The following SLC4A1AP variants were observed in gnomAD, a reference collection of about 807,000 sequenced individuals.
The protein encoded by SLC4A1AP is solute carrier family 4 member 1 adaptor protein.
A neutral mutation model predicts 89.7 loss-of-function variants in SLC4A1AP; 64 were observed. The ratio of observed to expected loss-of-function variants is 0.71; its 90% CI spans 0.58 to 0.88. SLC4A1AP has a LOEUF of 0.88. Among genes scored for constraint, SLC4A1AP ranks in the 40% least tolerant of loss-of-function variants. The pLI is 0.00. For synonymous variants in SLC4A1AP, 366 were observed against 353.3 expected, an observed-to-expected ratio of 1.04 and a Z score of -0.40; for missense variants, 931 against 965.0, an observed-to-expected ratio of 0.96 and a Z score of 0.47.
chr2:27,665,913 C>G (rs1339875032), intron 2 of SLC4A1AP, among the ~76,000 whole-genome samples: 6 of 152,056 alleles, frequency 3.9e-5, no homozygotes, highest in Non-Finnish European at 7.4e-5. Context: ...AAGCTAGAAA[C>G]CATAAGTATG....
Position 27,668,822 on chromosome 2 carries a change from TTGTC to T in SLC4A1AP, c.1145-15_1145-12del, listed in dbSNP as rs753464657. The T allele has an allele frequency of 6.2e-7, 1 of 1,610,688 alleles. No homozygotes were observed. The highest frequency in any genetic ancestry group is 1.1e-5 in the South Asian group (1 of 90,988). ...ATTTTTGGATTCTATTAAAATTGTT[TTGTC>T]TGTCTTTCTCCCACAGGAGAAGAAT... On this transcript the variant is annotated splice_polypyrimidine_tract_variant and intron_variant, in intron 3 of 13. Coordinates refer to ENST00000613058, the Ensembl canonical transcript of SLC4A1AP.
intron 5 of SLC4A1AP, 58 bp downstream of exon 5, chr2:27,669,445 C>G: frequency 7.0e-7 from 1 of 1,423,078 alleles, no homozygotes; most frequent in Admixed American, 2.6e-5. Flanking sequence ...TCAACACAAA[C>G]GCTAATAAAA....
exon 5 of SLC4A1AP, chr2:27,669,251 A>G (rs1379128707): frequency 4.4e-6 from 7 of 1,604,768 alleles, no homozygotes; most frequent in South Asian, 2.2e-5. Context: ...AATGAAGATT[A>G]CCTGTGGACG....
At chr2:27,693,607 GA>G in intron 12 of SLC4A1AP, 77 bp from the exon 13 acceptor site, 2 of 1,127,254 alleles carry the variant, frequency 1.8e-6, no homozygotes, top group Non-Finnish European at 2.6e-6. Context: ...CTAACAATAG[GA>G]CCCCAATCCC....
At chr2:27,667,345 A>T in exon 3 of SLC4A1AP, 2 of 1,613,706 alleles carry the variant, frequency 1.2e-6, no homozygotes, top group South Asian at 1.1e-5. Flanking sequence ...GGCCTTTTAT[A>T]TAAAGGATCC....
exon 8 of SLC4A1AP, chr2:27,677,831 T>C: frequency 6.2e-7 from 1 of 1,613,804 alleles, no homozygotes; most frequent in Non-Finnish European, 8.5e-7. Context: ...CGGAAGAAAC[T>C]TCACCTGAGA....
chr2:27,667,294 G>GA lies in SLC4A1AP; in HGVS notation c.1050dup (p.Glu351ArgfsTer29), dbSNP rs1572988558. On this transcript the variant is annotated frameshift_variant, in exon 3 of 14. Coordinates refer to ENST00000613058, the Ensembl canonical transcript of SLC4A1AP. LOFTEE classifies it high-confidence loss of function. ...AGAAGATGCAGTAGAGGATGATGCT[G>GA]AAGAGAACCCTATTGTCTTAGAGTT... 6.2e-7 allele frequency: 1 copy of GA among 1,613,466 alleles called. No homozygotes were observed. Among genetic ancestry groups the GA allele is most frequent in the Non-Finnish European group, 8.5e-7 (1 of 1,179,692 alleles).
intron 13 of SLC4A1AP, 42 bp from the exon 14 acceptor site, chr2:27,694,592 G>A (rs1675842928): frequency 1.4e-6 from 2 of 1,436,764 alleles, no homozygotes; most frequent in Non-Finnish European, 1.9e-6. Flanking sequence ...CCTGACTTTG[G>A]AAGAGTAAAT....
At chr2:27,688,044 T>C (rs1055674987) in intron 11 of SLC4A1AP, 24 bp downstream of exon 11, 1 of 1,563,586 alleles carries the variant, frequency 6.4e-7, no homozygotes, top group Non-Finnish European at 8.8e-7. Flanking sequence ...CAGCCTTCAT[T>C]GCTGCTCTGC....
chr2:27,665,220 G>A, exon 2 of SLC4A1AP: 1 of 1,613,860 alleles, frequency 6.2e-7, no homozygotes, highest in East Asian at 2.2e-5. Flanking sequence ...AGATGAAGAA[G>A]AGGAAATGGA....
chr2:27,668,686 G>A (rs760948816), intron 3 of SLC4A1AP, 157 bp from the exon 4 acceptor site: 35 of 732,990 alleles, frequency 4.8e-5, no homozygotes, highest in African/African-American at 8.6e-5. Flanking sequence ...CTTAACTCAA[G>A]CTGTCATCCC....
intron 3 of SLC4A1AP, among the ~76,000 whole-genome samples, chr2:27,667,627 A>G (rs1675352731): frequency 6.6e-6 from 1 of 152,162 alleles, no homozygotes; most frequent in South Asian, 2.1e-4. Flanking sequence ...TATCTTAAAA[A>G]AAGGAAGTAC....
At chr2:27,681,948 C>T (rs1675625980) in intron 8 of SLC4A1AP, among the ~76,000 whole-genome samples, 1 of 152,148 alleles carries the variant, frequency 6.6e-6, no homozygotes, top group African/African-American at 2.4e-5. Flanking sequence ...TATATGTTCT[C>T]CTTTGCCAGT....
intron 9 of SLC4A1AP, among the ~76,000 whole-genome samples, chr2:27,684,152 C>T (rs934781028): frequency 4.6e-5 from 7 of 152,052 alleles, no homozygotes; most frequent in South Asian, 4.1e-4. Context: ...ATAGGCCGGG[C>T]GCGGTGGCTC....
At chr2:27,668,030 G>C (rs1209998045) in intron 3 of SLC4A1AP, among the ~76,000 whole-genome samples, 1 of 152,102 alleles carries the variant, frequency 6.6e-6, no homozygotes, top group Non-Finnish European at 1.5e-5. Flanking sequence ...TGGTTACTTT[G>C]ATCTGAGTTT....
chr2:27,672,757 T>C (rs575526886), intron 5 of SLC4A1AP, among the ~76,000 whole-genome samples: 4 of 152,192 alleles, frequency 2.6e-5, no homozygotes, highest in Admixed American at 2.6e-4. Context: ...TACTATTGAA[T>C]GATGTGGGTG....
At chr2:27,667,246 C>T (rs769083966) in intron 2 of SLC4A1AP, 22 bp from the exon 3 acceptor site, 1 of 1,592,110 alleles carries the variant, frequency 6.3e-7, no homozygotes, top group South Asian at 1.1e-5. Context: ...ATTATCTTTT[C>T]TTTCTTTTCC....
chr2:27,686,173 A>G, intron 10 of SLC4A1AP, among the ~76,000 whole-genome samples: 2 of 152,338 alleles, frequency 1.3e-5, no homozygotes, highest in South Asian at 4.1e-4. Flanking sequence ...GCTTGGCTAC[A>G]TAAAAACTCC....
intron 9 of SLC4A1AP, among the ~76,000 whole-genome samples, chr2:27,683,719 G>GA: frequency 6.6e-6 from 1 of 152,182 alleles, no homozygotes; most frequent in Non-Finnish European, 1.5e-5. Context: ...GCAGAAATCT[G>GA]AAGTCCTAGC....
Sources: allele counts gnomAD v4.1 joint callset (sites outside exome capture counted in the v4.1 genomes callset), GRCh38; gene constraint gnomAD v4.1.1; transcripts MANE v1.5; gene names NCBI Gene and HGNC (gene_info 2026-07-23, HGNC 2026-07-21).